Variants in PCDH15 observed in about 807,000 individuals in gnomAD.
The protein encoded by PCDH15 is protocadherin related 15, also known as protocadherin-15.
Under a neutral mutation model 178.5 loss-of-function variants are expected in PCDH15, and 129 were observed. That is an observed-to-expected ratio of 0.72 (90% CI 0.63 to 0.84). PCDH15 has a LOEUF of 0.84. Ranked by LOEUF, PCDH15 falls within the 40% of genes least tolerant of loss-of-function variation. The pLI, the probability that PCDH15 is intolerant of heterozygous loss-of-function variation, is 0.00. For synonymous variants in PCDH15, 800 were observed against 732.0 expected, an observed-to-expected ratio of 1.09 and a Z score of -1.50; for missense variants, 2,230 against 2,099.9, an observed-to-expected ratio of 1.06 and a Z score of -1.21.
At chr10:54,959,107 C>T (rs1264724447) in intron 2 of PCDH15, among the ~76,000 whole-genome samples, 1 of 150,648 alleles carries the variant, frequency 6.6e-6, no homozygotes, top group Non-Finnish European at 1.5e-5. Context: ...TCACAGTGAT[C>T]ATATAAAGAC....
At chr10:54,890,912 C>T (rs922613271) in intron 3 of PCDH15, among the ~76,000 whole-genome samples, 3 of 151,970 alleles carry the variant, frequency 2.0e-5, no homozygotes, top group African/African-American at 4.8e-5. Context: ...TTCAATAAAA[C>T]ACATAAACTC....
intron 13 of PCDH15, among the ~76,000 whole-genome samples, chr10:54,183,142 C>T (rs1015247495): frequency 3.9e-5 from 6 of 152,082 alleles, no homozygotes; most frequent in Middle Eastern, 3.4e-3. Context: ...CCACCATACC[C>T]GGCTAATTTT....
intron 3 of PCDH15, among the ~76,000 whole-genome samples, chr10:54,843,039 G>A (rs1397013748): frequency 1.3e-5 from 2 of 151,922 alleles, no homozygotes; most frequent in East Asian, 1.9e-4. Flanking sequence ...ATCCTTTAAG[G>A]GTCAAGGAGC....
intron 2 of PCDH15, among the ~76,000 whole-genome samples, chr10:55,498,679 C>T (rs10825529): frequency 0.39 from 59,860 of 151,672 alleles, 12,523 homozygotes; most frequent in East Asian, 0.81. Context: ...TTGCTATCTT[C>T]ATAATGAACC....
chr10:53,992,398 T>C (rs1369529542), intron 21 of PCDH15, among the ~76,000 whole-genome samples: 1 of 152,192 alleles, frequency 6.6e-6, no homozygotes, highest in African/African-American at 2.4e-5. Context: ...ATATTAAACA[T>C]GTTCCAATTA....
intron 1 of PCDH15, among the ~76,000 whole-genome samples, chr10:54,791,572 C>T (rs2133562106): frequency 2.6e-5 from 4 of 151,984 alleles, no homozygotes; most frequent in Admixed American, 2.6e-4. Context: ...GCATTATACT[C>T]ATCTCAAACG....
intron 7 of PCDH15, among the ~76,000 whole-genome samples, chr10:54,323,452 A>C (rs988296900): frequency 1.3e-5 from 2 of 152,152 alleles, no homozygotes; most frequent in Non-Finnish European, 2.9e-5. Flanking sequence ...AGCAAAAAAC[A>C]TGGAATCAAC....
intron 6 of PCDH15, among the ~76,000 whole-genome samples, chr10:54,336,776 G>A (rs554615181): frequency 4.3e-4 from 66 of 152,308 alleles, no homozygotes; most frequent in African/African-American, 1.4e-3. Flanking sequence ...TGCCACTGGC[G>A]CACTGCCTAG....
At chr10:54,680,085 A>G (rs2094871149) in intron 1 of PCDH15, among the ~76,000 whole-genome samples, 1 of 152,148 alleles carries the variant, frequency 6.6e-6, no homozygotes. Flanking sequence ...GATTTTGCTC[A>G]TTTGTAAGAG....
chr10:54,651,614 C>T (rs1446933797), intron 2 of PCDH15, among the ~76,000 whole-genome samples: 2 of 152,020 alleles, frequency 1.3e-5, no homozygotes, highest in African/African-American at 2.4e-5. Flanking sequence ...AGGAGAGATC[C>T]ACTCCACCTA....
At chr10:54,920,012 A>C (rs1275310659) in intron 2 of PCDH15, among the ~76,000 whole-genome samples, 1 of 152,146 alleles carries the variant, frequency 6.6e-6, no homozygotes, top group African/African-American at 2.4e-5. Context: ...GAAGCATAAC[A>C]AGGGGGACAT....
At chr10:54,980,393 TTTC>T (rs1210098819) in intron 2 of PCDH15, among the ~76,000 whole-genome samples, 9 of 152,040 alleles carry the variant, frequency 5.9e-5, no homozygotes, top group South Asian at 2.1e-4. Context: ...AGGCAAAACA[TTTC>T]TTATTTTATT....
chr10:53,967,278 T>A (rs1450205748), intron 21 of PCDH15, among the ~76,000 whole-genome samples: 2 of 152,162 alleles, frequency 1.3e-5, no homozygotes. Flanking sequence ...CCACCATGAC[T>A]GTAAGTTTCC....
At chr10:54,755,651 A>C (rs372035535) in intron 1 of PCDH15, among the ~76,000 whole-genome samples, 2 of 152,146 alleles carry the variant, frequency 1.3e-5, no homozygotes, top group East Asian at 3.9e-4. Context: ...TAGTAAACAT[A>C]TATATGAATT....
intron 2 of PCDH15, among the ~76,000 whole-genome samples, chr10:55,014,737 C>A (rs1840129817): frequency 6.6e-6 from 1 of 152,094 alleles, no homozygotes; most frequent in African/African-American, 2.4e-5. Context: ...TGATCAGATA[C>A]CTTACCAGAG....
chr10:53,850,611 G>A (rs897659575), intron 28 of PCDH15, among the ~76,000 whole-genome samples: 1 of 151,666 alleles, frequency 6.6e-6, no homozygotes, highest in African/African-American at 2.4e-5. Flanking sequence ...TAAATGGTAG[G>A]ATTTATTATT....
At chr10:54,853,502 G>A (rs969033979) in intron 3 of PCDH15, among the ~76,000 whole-genome samples, 2 of 146,208 alleles carry the variant, frequency 1.4e-5, no homozygotes, top group African/African-American at 2.5e-5. Context: ...TGCTCCCATT[G>A]TTGAATAAAA....
intron 2 of PCDH15, among the ~76,000 whole-genome samples, chr10:55,149,063 T>C (rs986836751): frequency 7.9e-5 from 12 of 151,400 alleles, no homozygotes; most frequent in African/African-American, 2.9e-4. Flanking sequence ...ACATTAAATC[T>C]CAAAGACTAG....
At chr10:54,589,865 G>A (rs914290197) in intron 2 of PCDH15, among the ~76,000 whole-genome samples, 1 of 151,958 alleles carries the variant, frequency 6.6e-6, no homozygotes, top group African/African-American at 2.4e-5. Flanking sequence ...CAAAGTGCTG[G>A]GATTACAGGC....
Sources: gnomAD v4.1 joint callset for allele counts (sites outside exome capture counted in the v4.1 genomes callset) on GRCh38, gnomAD v4.1.1 for gene constraint, MANE v1.5 for transcripts, NCBI Gene and HGNC (gene_info 2026-07-23, HGNC 2026-07-21) for gene names.